The following SZT2 variants were observed in gnomAD, a reference collection of about 807,000 sequenced individuals.
The protein encoded by SZT2 is KICSTOR complex protein SZT2.
In SZT2, 216 loss-of-function variants were observed where a neutral mutation model predicts 404.2. The ratio of observed to expected loss-of-function variants is 0.53; its 90% confidence interval spans 0.48 to 0.60. The LOEUF is 0.60. SZT2 is among the 20% of genes least tolerant of loss of function. The pLI, the probability that SZT2 is intolerant of heterozygous loss-of-function variation, is 0.00. For synonymous variants in SZT2, 1,693 were observed against 1,749.9 expected (o/e 0.97, Z 0.81); for missense variants, 3,857 against 4,459.2 (o/e 0.86, Z 3.85).
chr1:43,423,404 G>A, intron 15 of SZT2, 88 bp downstream of exon 15: 1 of 1,312,292 alleles, frequency 7.6e-7, no homozygotes. Flanking sequence ...GGTGTGAGTA[G>A]TATAGAGGTG....
intron 59 of SZT2, 45 bp from the exon 60 acceptor site, chr1:43,443,143 G>A: frequency 6.2e-7 from 1 of 1,613,714 alleles, no homozygotes; most frequent in Non-Finnish European, 8.5e-7. Flanking sequence ...TGGGAGGAAG[G>A]GAGTGACAAT....
At chr1:43,416,175 TAGC>T in intron 6 of SZT2, 74 bp downstream of exon 6, 1 of 1,539,306 alleles carries the variant, frequency 6.5e-7, no homozygotes, top group Non-Finnish European at 8.7e-7. Flanking sequence ...CTAACAAAGA[TAGC>T]AGTTCCAGGG....
At chr1:43,391,898 G>A (rs1648394906) in intron 1 of SZT2, among the ~76,000 whole-genome samples, 1 of 75,282 alleles carries the variant, frequency 1.3e-5, no homozygotes, top group Non-Finnish European at 2.8e-5. Context: ...TGGCTAAAAC[G>A]GTGAAACCCT....
At chr1:43,417,824 G>C (rs1651885221) in intron 7 of SZT2, among the ~76,000 whole-genome samples, 1 of 152,136 alleles carries the variant, frequency 6.6e-6, no homozygotes, top group Non-Finnish European at 1.5e-5. Context: ...GAGAACAGAA[G>C]AGGGTCCTGG....
chr1:43,409,623 G>C (rs1650765069), intron 4 of SZT2: 1 of 201,180 alleles, frequency 5.0e-6, no homozygotes, highest in Non-Finnish European at 1.1e-5. Flanking sequence ...CTGTATGTCA[G>C]CAGCAGACAA....
At position 43,451,397 on chromosome 1, in the gene SZT2, G is replaced by C; in HGVS notation, c.*917G>C. The C allele has an allele frequency of 6.2e-7, 1 of 1,612,090 alleles. No individual in the cohort carries two copies. On this transcript the variant is annotated 3_prime_UTR_variant, in exon 72 of 72. Coordinates refer to ENST00000634258, the MANE Select transcript of SZT2 (RefSeq NM_001365999.1). ...GTCCCTCCAGAGCTCCCTTCCCCAG[G>C]GCCACGCCTCACCTCGAGGCTGATA...
In SZT2 at chr1:43,452,632, T is replaced by C. The variant is rs1482734450; in HGVS notation, c.*2152T>C. 2 of 595,620 alleles carry C rather than the reference T, an allele frequency of 3.4e-6. 1 individual carries two copies. The highest frequency in any genetic ancestry group is 6.0e-6 in the Non-Finnish European group (2 of 333,662). 36.9% of individuals were successfully genotyped at this position (595,620 alleles called of 1,614,324 possible). On this transcript the variant is annotated 3_prime_UTR_variant, in exon 72 of 72. Transcript: ENST00000634258. ...TCACCTTTAAAAATTGTCCTGACCT[T>C]TGCTTGCCCTTCTCAGGTATTCCAT... is the stretch of plus-strand genomic sequence containing the variant.
Position 43,453,674 on chromosome 1 carries a change from C to CGGCCAGGCCACCTCGACGGCCTCGAA in SZT2, c.*3196_*3221dup, listed in dbSNP as rs1357637941. ...CCAGCGCCTCAGGCGTCTCCGCGTACGGCCAGGCCACCTCGACGGCCTCGA... is the reference window on the plus strand; with the variant it reads ...CCAGCGCCTCAGGCGTCTCCGCGTACGGCCAGGCCACCTCGACGGCCTCGAAGGCCAGGCCACCTCGACGGCCTCGA... On this transcript the variant is annotated 3_prime_UTR_variant, in exon 72 of 72. Coordinates refer to ENST00000634258, the MANE Select transcript of SZT2 (RefSeq NM_001365999.1). 7.6e-5 allele frequency: 112 copies of CGGCCAGGCCACCTCGACGGCCTCGAA among 1,470,570 alleles called. No individual in the cohort carries two copies. The highest frequency in any genetic ancestry group is 9.0e-5 in the Non-Finnish European group (101 of 1,119,588). The allele number at this position is 1,470,570 out of a possible 1,614,324, so 91.1% of individuals were successfully genotyped here.
chr1:43,447,719 C>A (rs1178939213), intron 67 of SZT2, 21 bp downstream of exon 67: 1 of 1,611,996 alleles, frequency 6.2e-7, no homozygotes, highest in Non-Finnish European at 8.5e-7. Flanking sequence ...GAGGGGCATC[C>A]AGCATGCACG....
rs571743176 is a variant in SZT2 at position 43,428,883 on chromosome 1, C to G, written c.4166+397C>G. 1.1e-4 allele frequency: 22 copies of G among 209,022 alleles called. No individual in the cohort carries two copies. In the South Asian group the frequency reaches 2.1e-3, roughly 20 times the overall value. 12.9% of individuals were successfully genotyped at this position (209,022 alleles called of 1,614,324 possible). A position where few individuals can be genotyped will look rare whatever the true frequency, so the allele number is the denominator to read the frequency against. On this transcript the variant is annotated intron_variant, in intron 28 of 71. Transcript: ENST00000634258. ...CTAAGTCCCCAGCTCACCTTAGGGG[C>G]TCAGCAGGTCCCTGTTGAAGGGAGG...
At chr1:43,407,103 C>A (rs773875879) in intron 4 of SZT2, among the ~76,000 whole-genome samples, 2 of 152,186 alleles carry the variant, frequency 1.3e-5, no homozygotes, top group Non-Finnish European at 2.9e-5. Flanking sequence ...GAGGAGGAAG[C>A]CTGAATAAGG....
chr1:43,434,134 T>G (rs189275214), intron 40 of SZT2, among the ~76,000 whole-genome samples: 1 of 152,278 alleles, frequency 6.6e-6, no homozygotes. Flanking sequence ...GTGGTACCCG[T>G]ATGGGAGCTG....
At position 43,431,883 on chromosome 1, in the gene SZT2, C is replaced by T; in HGVS notation, c.5256C>T (p.Ser1752=). The T allele has an allele frequency of 6.2e-7, 1 of 1,614,148 alleles. No individual in the cohort carries two copies. The highest frequency in any genetic ancestry group is 8.5e-7 in the Non-Finnish European group (1 of 1,180,038). ...PLSFVFGPER[S]LTQFKEEFRR... Reference sequence around the variant, plus strand: ...GTTTTGTATTTGGGCCAGAGCGTTCCCTCACACAATTCAAGGAGGTAAGTT... The same window carrying T: ...GTTTTGTATTTGGGCCAGAGCGTTCTCTCACACAATTCAAGGAGGTAAGTT... Residue 1752 remains serine (S), a synonymous_variant, in exon 36 of 72, where the codon TCC becomes TCT. Transcript: ENST00000634258.
intron 39 of SZT2, 57 bp downstream of exon 39, chr1:43,432,856 T>A: frequency 6.2e-7 from 1 of 1,604,540 alleles, no homozygotes; most frequent in Non-Finnish European, 8.5e-7. Flanking sequence ...GGCTTAGGGC[T>A]GTACTGGGAA....
Position 43,453,189 on chromosome 1 carries a change from A to G in SZT2, c.*2709A>G, listed in dbSNP as rs1570766790. On this transcript the variant is annotated 3_prime_UTR_variant, in exon 72 of 72. Coordinates refer to ENST00000634258, the MANE Select transcript of SZT2 (RefSeq NM_001365999.1). ...CAGCATGGGATCCCAGCATGGGGTG[A>G]GCATGAAAGAGTGGCAAACAGAGTG... 1.6e-6 allele frequency: 1 copy of G among 640,586 alleles called. No homozygotes were observed. Among genetic ancestry groups the G allele is most frequent in the East Asian group, 2.7e-5 (1 of 36,664 alleles). 39.7% of individuals were successfully genotyped at this position (640,586 alleles called of 1,614,324 possible).
At chr1:43,394,099 C>T (rs1367746133) in intron 1 of SZT2, 2 of 984,642 alleles carry the variant, frequency 2.0e-6, no homozygotes, top group African/African-American at 1.8e-5. Context: ...CTTGAAGCTC[C>T]ATGTGAGTGT....
chr1:43,439,779 CT>C lies in SZT2; in HGVS notation c.7042+12del. The C allele has an allele frequency of 6.3e-7, 1 of 1,577,572 alleles. No homozygotes were observed. Among genetic ancestry groups the C allele is most frequent in the Non-Finnish European group, 8.6e-7 (1 of 1,160,144 alleles). On this transcript the variant is annotated intron_variant, in intron 50 of 71. Transcript: ENST00000634258. This position sits in a 1 kb window ranked among gnomAD's most constrained non-coding sequence, Gnocchi z 4.2. ...GTGGACAGTTCTTCAGGTGGGACAG[CT>C]TGGTCAGAGGATGAGGTGTTCAGTT...
intron 46 of SZT2, chr1:43,438,137 G>A (rs938448207): frequency 4.0e-6 from 2 of 495,506 alleles, no homozygotes; most frequent in South Asian, 2.2e-5. Context: ...TGCTGTGCTC[G>A]GGTCTTTCCT....
At position 43,447,047 on chromosome 1, in the gene SZT2, T is replaced by C; in HGVS notation, c.9165T>C (p.His3055=). ...FSYDFHLRLV[H]QHVLGAHLVL... ...ATGACTTCCATCTGCGCCTCGTGCATCAGCACGTGCTAGGTGCCCATCTGG... is the reference window on the plus strand; with the variant it reads ...ATGACTTCCATCTGCGCCTCGTGCACCAGCACGTGCTAGGTGCCCATCTGG... Residue 3055 remains histidine, a synonymous_variant, in exon 66 of 72, where the codon CAT becomes CAC. Transcript: ENST00000634258. The C allele has an allele frequency of 6.2e-7, 1 of 1,613,940 alleles. No homozygotes were observed. The highest frequency in any genetic ancestry group is 8.5e-7 in the Non-Finnish European group (1 of 1,180,006).
Sources: allele counts gnomAD v4.1 joint callset (sites outside exome capture counted in the v4.1 genomes callset), GRCh38; gene constraint gnomAD v4.1.1; non-coding constraint Gnocchi (gnomAD v3.1); transcripts MANE v1.5; gene names NCBI Gene and HGNC (gene_info 2026-07-23, HGNC 2026-07-21).